Variants in CWF19L2 observed in about 807,000 individuals in gnomAD.
The protein encoded by CWF19L2 is CWF19-like protein 2.
CWF19L2 carries 98 observed loss-of-function variants against 111.7 expected under a neutral mutation model. The observed-to-expected ratio is 0.88, with a 90% CI of 0.75 to 1.04. The LOEUF (loss-of-function observed/expected upper bound fraction) is 1.04, where lower values mean the gene tolerates loss of function less well. CWF19L2 is among the 50% of genes least tolerant of loss of function. The probability of loss-of-function intolerance (pLI) is 0.00; values close to 1 mark genes in which losing one functional copy is unlikely to be tolerated. For missense variants in CWF19L2, 1,101 were observed against 1,051.4 expected (o/e 1.05, Z -0.65); for synonymous variants, 351 against 342.9 (o/e 1.02, Z -0.26).
At chr11:107,401,474 CAAAAAT>C (rs541439760) in intron 10 of CWF19L2, among the ~76,000 whole-genome samples, 2,000 of 151,722 alleles carry the variant, frequency 0.013, 39 homozygotes, top group African/African-American at 0.045. Context: ...ACAATAGCTG[CAAAAAT>C]AAAAATAAAA....
chr11:107,428,740 A>G, intron 8 of CWF19L2, 59 bp downstream of exon 8: 1 of 1,298,114 alleles, frequency 7.7e-7, no homozygotes, highest in Non-Finnish European at 1.1e-6. Context: ...CTAAAAATAC[A>G]GTTCTGTTCT....
chr11:107,372,822 G>A (rs113445192), intron 12 of CWF19L2, among the ~76,000 whole-genome samples: 12 of 131,088 alleles, frequency 9.2e-5, no homozygotes, highest in South Asian at 2.6e-4. Context: ...CGTGAGCGAC[G>A]CAGAAGACGG....
chr11:107,335,750 A>G (rs568293447), intron 15 of CWF19L2, among the ~76,000 whole-genome samples: 22 of 152,286 alleles, frequency 1.4e-4, no homozygotes, highest in Admixed American at 4.6e-4. Flanking sequence ...AAATAACCTC[A>G]TGTTTTTACA....
At chr11:107,451,863 A>T (rs964338856) in intron 3 of CWF19L2, among the ~76,000 whole-genome samples, 3 of 152,212 alleles carry the variant, frequency 2.0e-5, no homozygotes, top group African/African-American at 7.2e-5. Flanking sequence ...CAAAAAAAGC[A>T]CTTACCAAAT....
chr11:107,411,993 T>C (rs1344146689), intron 10 of CWF19L2, among the ~76,000 whole-genome samples: 1 of 152,188 alleles, frequency 6.6e-6, no homozygotes, highest in African/African-American at 2.4e-5. Context: ...TACCAGGCTG[T>C]GGAACAGTCA....
At chr11:107,404,031 A>G in intron 10 of CWF19L2, 1 of 773,432 alleles carries the variant, frequency 1.3e-6, no homozygotes, top group South Asian at 1.3e-5. Context: ...TGATGGTTTC[A>G]CTAAAAACCC....
chr11:107,389,996 C>A, intron 12 of CWF19L2, 78 bp downstream of exon 12: 1 of 1,218,932 alleles, frequency 8.2e-7, no homozygotes, highest in East Asian at 2.4e-5. Context: ...AGAACCAGAT[C>A]TCTCCAAAAA....
intron 12 of CWF19L2, among the ~76,000 whole-genome samples, chr11:107,358,845 C>G (rs1048982855): frequency 1.2e-4 from 19 of 152,164 alleles, no homozygotes; most frequent in Non-Finnish European, 2.1e-4. Context: ...GAACCTGCAG[C>G]TGGTGTCAGG....
chr11:107,361,325 T>C (rs1348558805), intron 12 of CWF19L2, among the ~76,000 whole-genome samples: 4 of 152,258 alleles, frequency 2.6e-5, no homozygotes, highest in Non-Finnish European at 2.9e-5. Context: ...GTCTATTGTT[T>C]ACGTCAGTAC....
chr11:107,378,904 T>C (rs1302665225), intron 12 of CWF19L2, among the ~76,000 whole-genome samples: 1 of 152,042 alleles, frequency 6.6e-6, no homozygotes, highest in African/African-American at 2.4e-5. Context: ...GAGAAGTAGA[T>C]TGGGCATAGG....
intron 13 of CWF19L2, among the ~76,000 whole-genome samples, chr11:107,350,507 AG>A (rs1436578698): frequency 1.3e-5 from 2 of 152,118 alleles, no homozygotes; most frequent in African/African-American, 4.8e-5. Flanking sequence ...CACACCAATA[AG>A]ATGACTGTCT....
chr11:107,344,127 C>T (rs1309965733), intron 14 of CWF19L2, among the ~76,000 whole-genome samples: 2 of 152,086 alleles, frequency 1.3e-5, no homozygotes, highest in African/African-American at 2.4e-5. Flanking sequence ...GCACAAGAAT[C>T]GATTGAACCC....
chr11:107,331,787 T>A (rs1052470776), intron 16 of CWF19L2, among the ~76,000 whole-genome samples: 2 of 152,224 alleles, frequency 1.3e-5, no homozygotes, highest in Non-Finnish European at 2.9e-5. Context: ...ATGAACACAC[T>A]ACTACTTTCA....
intron 5 of CWF19L2, 97 bp from the exon 6 acceptor site, chr11:107,439,280 C>G: frequency 1.4e-6 from 1 of 690,726 alleles, no homozygotes; most frequent in Non-Finnish European, 2.5e-6. Context: ...ATAGTCATAA[C>G]CCTGGACAAA....
chr11:107,332,548 GA>G (rs995470986), intron 16 of CWF19L2, among the ~76,000 whole-genome samples: 47 of 140,668 alleles, frequency 3.3e-4, no homozygotes, highest in East Asian at 8.7e-4. Flanking sequence ...TTTACACAGT[GA>G]AAAAAAAAAA....
chr11:107,327,411 C>T (rs1859777424), intron 17 of CWF19L2, among the ~76,000 whole-genome samples: 1 of 152,160 alleles, frequency 6.6e-6, no homozygotes, highest in African/African-American at 2.4e-5. Flanking sequence ...TAATCAACTT[C>T]TAGCAATTAT....
At chr11:107,379,191 T>A (rs1217832577) in intron 12 of CWF19L2, among the ~76,000 whole-genome samples, 6 of 152,330 alleles carry the variant, frequency 3.9e-5, no homozygotes, top group Middle Eastern at 3.4e-3. Flanking sequence ...ACCTAGCAAG[T>A]CCTCAAAAAT....
In CWF19L2 at chr11:107,371,397, T is replaced by G. The variant is rs1001926212; in HGVS notation, c.1873-17661A>C. Among the ~76,000 whole-genome samples, 2 of 137,534 alleles carry G rather than the reference T, an allele frequency of 1.5e-5. 1 individual carries two copies. Among genetic ancestry groups the G allele is most frequent in the African/African-American group, 5.8e-5 (2 of 34,488 alleles). The allele number at this position is 137,534 out of a possible 152,430, so 90.2% of individuals were successfully genotyped here. On this transcript the variant is annotated intron_variant, in intron 12 of 17. Transcript: ENST00000282251. ...CCTGAATTCCTTGATAGAAAAGAGA[T>G]AAGGATAGGAATTAGAAGCAGGACT...
intron 6 of CWF19L2, among the ~76,000 whole-genome samples, chr11:107,435,591 T>C (rs1427076280): frequency 6.6e-6 from 1 of 152,166 alleles, no homozygotes; most frequent in African/African-American, 2.4e-5. Flanking sequence ...AGCCAATTCC[T>C]TCACTAGTTA....
Sources: gnomAD v4.1 joint callset for allele counts (sites outside exome capture counted in the v4.1 genomes callset) on GRCh38, gnomAD v4.1.1 for gene constraint, MANE v1.5 for transcripts, NCBI Gene and HGNC (gene_info 2026-07-23, HGNC 2026-07-21) for gene names.